Variants in CDH15 observed in about 807,000 individuals in gnomAD.
CDH15 encodes cadherin 15.
In CDH15, 73 loss-of-function variants were observed where a neutral mutation model predicts 69.4. The ratio of observed to expected loss-of-function variants is 1.05; its 90% CI spans 0.87 to 1.28. CDH15 has a LOEUF of 1.28. CDH15 is among the 50% of genes most tolerant of loss of function. CDH15 has a pLI of 0.00. For synonymous variants in CDH15, 624 were observed against 507.7 expected (o/e 1.23, Z -3.08); for missense variants, 1,343 against 1,133.6 (o/e 1.18, Z -2.65).
At chr16:89,190,573 G>A (rs1272893283) in intron 8 of CDH15, 77 bp downstream of exon 8, 14 of 1,526,736 alleles carry the variant, frequency 9.2e-6, no homozygotes, top group African/African-American at 1.4e-5. Flanking sequence ...CTGATCCCTG[G>A]GCTCTGAGGG....
chr16:89,182,658 G>T (rs1234181000), intron 3 of CDH15: 1 of 151,696 alleles, frequency 6.6e-6, no homozygotes, highest in Non-Finnish European at 1.5e-5. Flanking sequence ...TAAAAAAAAA[G>T]AAAAGTAACT....
intron 1 of CDH15, among the ~76,000 whole-genome samples, chr16:89,175,543 C>T (rs1316255680): frequency 1.3e-5 from 2 of 152,022 alleles, no homozygotes; most frequent in African/African-American, 4.8e-5. Context: ...CACAGGCTCC[C>T]GGGGGGTTGG....
At chr16:89,179,252 G>T (rs745537150) in intron 1 of CDH15, among the ~76,000 whole-genome samples, 164 bp from the exon 2 acceptor site, 22 of 152,226 alleles carry the variant, frequency 1.4e-4, no homozygotes, top group Non-Finnish European at 2.5e-4. Context: ...CTTGTGCTAC[G>T]CAGCCCCGTG....
intron 1 of CDH15, among the ~76,000 whole-genome samples, chr16:89,172,794 G>A (rs1240490211): frequency 6.6e-6 from 1 of 152,206 alleles, no homozygotes. Context: ...GGCTGTGGTT[G>A]GGACGTCACT....
chr16:89,187,299 G>C (rs1915511681), intron 5 of CDH15, 130 bp from the exon 6 acceptor site: 1 of 1,021,930 alleles, frequency 9.8e-7, no homozygotes, highest in South Asian at 1.3e-5. Context: ...GGGCCACTTG[G>C]GGTCTTCAAC....
Position 89,191,818 on chromosome 16 carries a change from C to A in CDH15, c.1539C>A (p.His513Gln). 6.2e-7 allele frequency: 1 copy of A among 1,604,544 alleles called. No individual in the cohort carries two copies. Among genetic ancestry groups the A allele is most frequent in the Non-Finnish European group, 8.5e-7 (1 of 1,179,078 alleles). Residue 513 changes from histidine (H) to glutamine (Q), a missense_variant, in exon 10 of 14, where the codon CAC becomes CAA. By Grantham distance (24) the His-to-Gln change is conservative (BLOSUM62 0). Coordinates refer to ENST00000289746, the MANE Select transcript of CDH15 (RefSeq NM_004933.3). ...CCACGGATGAGGACCTGCCCCCCCA[C>A]GGGGCCCCCTTCCACTTCCAGCTGA... The part of the protein sequence containing the change: ...LGATDEDLPP[H>Q]GAPFHFQLSP...
chr16:89,194,844 C>T lies in CDH15; in HGVS notation c.2152-18C>T, dbSNP rs1915761459. On this transcript the variant is annotated intron_variant, in intron 13 of 13. Transcript: ENST00000289746. ...CTGGCCCCTCCATGTGTCTTGAGCT[C>T]TCCGGGCCTCTTTATAGGGCTTGGA... is the stretch of plus-strand genomic sequence containing the variant. The T allele has an allele frequency of 6.3e-7, 1 of 1,592,172 alleles. No individual in the cohort carries two copies. Among genetic ancestry groups the T allele is most frequent in the Non-Finnish European group, 8.6e-7 (1 of 1,168,280 alleles).
intron 4 of CDH15, among the ~76,000 whole-genome samples, chr16:89,184,086 G>A (rs948700250): frequency 9.2e-5 from 14 of 152,284 alleles, no homozygotes; most frequent in African/African-American, 2.9e-4. Flanking sequence ...CTCCAGCCAC[G>A]GGGACTCGCT....
intron 10 of CDH15, 47 bp from the exon 11 acceptor site, chr16:89,192,157 TG>T: frequency 6.7e-7 from 1 of 1,484,642 alleles, no homozygotes; most frequent in Non-Finnish European, 8.9e-7. Context: ...GCAGGCGAAG[TG>T]GGGGCGGCCT....
At chr16:89,171,902 C>G (rs117273249) in intron 1 of CDH15, 29 bp downstream of exon 1, 54,045 of 1,542,338 alleles carry the variant, frequency 0.035, 1,216 homozygotes, top group Non-Finnish European at 0.038. Flanking sequence ...CGGGGGTCCC[C>G]GCTGCCTCCC....
chr16:89,195,249 G>GGCC lies in CDH15; in HGVS notation c.*95_*97dup. On this transcript the variant is annotated 3_prime_UTR_variant, in exon 14 of 14. Transcript: ENST00000289746. ...GAGGTCACCGGGCCCGACCCCCCTG[G>GGCC]GCCTGGGGCAGCCTCCTTCCTGTAG... 1 of 1,329,312 alleles carries GGCC rather than the reference G, an allele frequency of 7.5e-7. No individual in the cohort carries two copies. The allele number at this position is 1,329,312 out of a possible 1,614,324, so 82.3% of individuals were successfully genotyped here.
intron 4 of CDH15, 37 bp downstream of exon 4, chr16:89,183,729 G>GC: frequency 6.4e-7 from 1 of 1,558,688 alleles, no homozygotes; most frequent in Non-Finnish European, 8.7e-7. Context: ...GGGAGGGGCT[G>GC]CAAGGAAGGG....
chr16:89,179,391 T>G (rs1482438694), intron 1 of CDH15, 25 bp from the exon 2 acceptor site: 1 of 1,613,244 alleles, frequency 6.2e-7, no homozygotes, highest in Non-Finnish European at 8.5e-7. Flanking sequence ...GACGGTACTG[T>G]GGGACGCATC....
Position 89,191,667 on chromosome 16 carries a change from G to A in CDH15, c.1388G>A (p.Arg463His), listed in dbSNP as rs746621781. 5.0e-6 allele frequency: 8 copies of A among 1,591,516 alleles called. No homozygotes were observed. Among genetic ancestry groups the A allele is most frequent in the Admixed American group, 3.5e-5 (2 of 57,664 alleles). Residue 463 changes from arginine to histidine, a missense_variant, in exon 10 of 14, where the codon CGC becomes CAC. By Grantham distance (29) the Arg-to-His change is conservative (BLOSUM62 0). Coordinates refer to ENST00000289746, the MANE Select transcript of CDH15 (RefSeq NM_004933.3). ...TCCTCGCCTGCAGCCTCCCAGCCCC[G>A]CACCGCCACCGGCACCCTGTCCATC... ...VLAQDDASQP[R>H]TATGTLSIEI...
chr16:89,188,078 G>A, intron 6 of CDH15, 22 bp from the exon 7 acceptor site: 1 of 1,596,430 alleles, frequency 6.3e-7, no homozygotes, highest in South Asian at 1.1e-5. Context: ...GCTGGTAACT[G>A]GGGCTGGGAT....
chr16:89,174,739 G>A (rs1189209759), intron 1 of CDH15, among the ~76,000 whole-genome samples: 1 of 152,206 alleles, frequency 6.6e-6, no homozygotes, highest in African/African-American at 2.4e-5. Flanking sequence ...GGGACCCCCT[G>A]TGGGGAAGCA....
chr16:89,192,205 T>A lies in CDH15; in HGVS notation c.1616T>A (p.Val539Glu), dbSNP rs1164391964. The change falls in exon 11 of 14, where the codon GTG (valine) becomes GAG (glutamate). Residue 539 changes from valine (V) to glutamate (E), a missense_variant and splice_region_variant. Val to Glu is a moderately radical substitution (Grantham distance 121, BLOSUM62 -2). Transcript: ENST00000289746. ...CGCTCACCACAGGCGCCCTCCGCAG[T>A]GAGCCACGCGCGCCTGCGGCCGCGA... ...GRNWSLSQVN[V>E]SHARLRPRHQ... is the part of the protein sequence containing the mutation. The A allele has an allele frequency of 1.3e-6, 2 of 1,528,922 alleles. No homozygotes were observed. The highest frequency in any genetic ancestry group is 2.0e-5 in the Admixed American group (1 of 50,738). 94.7% of individuals were successfully genotyped at this position (1,528,922 alleles called of 1,614,324 possible).
At chr16:89,171,944 G>A in intron 1 of CDH15, 71 bp downstream of exon 1, 5 of 1,444,738 alleles carry the variant, frequency 3.5e-6, no homozygotes, top group Non-Finnish European at 4.7e-6. Context: ...TTCAACTGCA[G>A]CCGCACAGGT....
chr16:89,193,846 G>C lies in CDH15; in HGVS notation c.2084G>C (p.Arg695Pro), dbSNP rs1915718095. ...CTTCGCAGAGATGCCCCGCAGGGCC[G>C]CCTGCACCCCCAGCCACCCCGAGTG... ...PPLRRDAPQG[R>P]LHPQPPRVLP... The change falls in exon 13 of 14, where the codon CGC (arginine) becomes CCC (proline). Residue 695 changes from arginine to proline, a missense_variant. Transcript: ENST00000289746. 1 of 1,611,388 alleles carries C rather than the reference G, an allele frequency of 6.2e-7. No individual in the cohort carries two copies. The highest frequency in any genetic ancestry group is 8.5e-7 in the Non-Finnish European group (1 of 1,179,702).
Sources: gnomAD v4.1 joint callset for allele counts (sites outside exome capture counted in the v4.1 genomes callset) on GRCh38, gnomAD v4.1.1 for gene constraint, MANE v1.5 for transcripts, NCBI Gene and HGNC (gene_info 2026-07-23, HGNC 2026-07-21) for gene names.